Variants in GALNT17 observed in about 807,000 individuals in gnomAD.
The protein encoded by GALNT17 is UDP-GalNAc:polypeptide N-acetylgalactosaminyltransferase-like 3.
Under a neutral mutation model 63.7 loss-of-function variants are expected in GALNT17, and 29 were observed. The ratio of observed to expected loss-of-function variants is 0.46; its 90% CI spans 0.34 to 0.62. The LOEUF is 0.62. Ranked by LOEUF, GALNT17 falls within the 20% of genes least tolerant of loss-of-function variation. The pLI, the probability that GALNT17 is intolerant of heterozygous loss-of-function variation, is 0.01. For synonymous variants in GALNT17, 305 were observed against 318.3 expected (o/e 0.96, Z 0.45); for missense variants, 603 against 799.6 (o/e 0.75, Z 2.97).
intron 5 of GALNT17, among the ~76,000 whole-genome samples, chr7:71,514,200 G>A (rs1788410501): frequency 6.6e-6 from 1 of 152,036 alleles, no homozygotes. Flanking sequence ...ATCTCAAAAA[G>A]CAACACCACC....
At chr7:71,318,370 G>A (rs1393005415) in intron 1 of GALNT17, among the ~76,000 whole-genome samples, 1 of 151,520 alleles carries the variant, frequency 6.6e-6, no homozygotes, top group Non-Finnish European at 1.5e-5. Context: ...CCAGAAAGAA[G>A]AGCAGCTGAG....
Position 71,607,238 on chromosome 7 carries a change from A to G in GALNT17, c.1080+35836A>G, listed in dbSNP as rs1380499995. Among the ~76,000 whole-genome samples the G allele has an allele frequency of 2.0e-5, 3 of 152,194 alleles. No homozygotes were observed. The East Asian group carries it at 5.8e-4, about 29-fold the overall frequency. ...ATATGGTGAGAAGCCCACTAAAAAT[A>G]CTTCTAATACTGCCTGAGAAACTAA... is the stretch of plus-strand genomic sequence containing the variant. On this transcript the variant is annotated intron_variant, in intron 6 of 10. Coordinates refer to ENST00000333538, the MANE Select transcript of GALNT17 (RefSeq NM_022479.3).
chr7:71,520,311 G>A (rs1342895712), intron 5 of GALNT17, among the ~76,000 whole-genome samples: 1 of 152,070 alleles, frequency 6.6e-6, no homozygotes, highest in Non-Finnish European at 1.5e-5. Context: ...ATCACCTGAG[G>A]TCAGGAGTTT....
At chr7:71,413,373 ATT>A (rs568007927) in intron 3 of GALNT17, among the ~76,000 whole-genome samples, 1 of 148,338 alleles carries the variant, frequency 6.7e-6, no homozygotes, top group Non-Finnish European at 1.5e-5. Flanking sequence ...TTTTTATTTT[ATT>A]TTTTTTTTAG....
chr7:71,143,759 G>T (rs1787960680), intron 1 of GALNT17, among the ~76,000 whole-genome samples: 2 of 152,212 alleles, frequency 1.3e-5, no homozygotes, highest in South Asian at 4.2e-4. Context: ...CAGCAGTAGG[G>T]CAGGGCACGG....
At chr7:71,588,165 G>A (rs754957494) in intron 6 of GALNT17, among the ~76,000 whole-genome samples, 3 of 152,058 alleles carry the variant, frequency 2.0e-5, no homozygotes, top group African/African-American at 7.2e-5. Context: ...GAAAGAGTAA[G>A]GTAAATCATT....
At chr7:71,706,096 A>G (rs891663614) in intron 9 of GALNT17, among the ~76,000 whole-genome samples, 4 of 152,188 alleles carry the variant, frequency 2.6e-5, no homozygotes, top group African/African-American at 9.6e-5. Flanking sequence ...CTTTAGCCCC[A>G]TCATTCTTCA....
intron 6 of GALNT17, among the ~76,000 whole-genome samples, chr7:71,652,389 A>G (rs1325857854): frequency 2.6e-5 from 4 of 152,172 alleles, no homozygotes; most frequent in Non-Finnish European, 5.9e-5. Flanking sequence ...CCATTATGCA[A>G]CCGTCCCGTT....
chr7:71,334,162 C>T (rs970289407), intron 1 of GALNT17, among the ~76,000 whole-genome samples: 9 of 152,164 alleles, frequency 5.9e-5, no homozygotes, highest in Non-Finnish European at 1.0e-4. Context: ...TGACGGTGCT[C>T]GTTCAACCTT....
At chr7:71,193,923 C>G (rs980864913) in intron 1 of GALNT17, among the ~76,000 whole-genome samples, 2 of 152,176 alleles carry the variant, frequency 1.3e-5, no homozygotes, top group African/African-American at 2.4e-5. Flanking sequence ...TGACAAAGAG[C>G]TATACTGGTT....
chr7:71,508,269 T>A (rs1467726849), intron 5 of GALNT17, among the ~76,000 whole-genome samples: 1 of 152,184 alleles, frequency 6.6e-6, no homozygotes, highest in Non-Finnish European at 1.5e-5. Context: ...GATCAGCATA[T>A]TTTTAAAAAG....
chr7:71,173,828 A>AT (rs1156308602), intron 1 of GALNT17, among the ~76,000 whole-genome samples: 3 of 151,970 alleles, frequency 2.0e-5, no homozygotes, highest in African/African-American at 2.4e-5. Flanking sequence ...AGCTCAGGGT[A>AT]TTTTTTTTCC....
intron 8 of GALNT17, among the ~76,000 whole-genome samples, chr7:71,672,731 TG>T (rs1791088743): frequency 6.6e-6 from 1 of 152,172 alleles, no homozygotes; most frequent in Non-Finnish European, 1.5e-5. Flanking sequence ...TTTGTGTTTT[TG>T]TAGCAACGAG....
chr7:71,447,958 C>G (rs1787189096), intron 5 of GALNT17, among the ~76,000 whole-genome samples: 1 of 152,188 alleles, frequency 6.6e-6, no homozygotes, highest in East Asian at 1.9e-4. Flanking sequence ...ATTCCTTTCA[C>G]TTCTCTTCTG....
chr7:71,453,933 C>A (rs973518729), intron 5 of GALNT17, among the ~76,000 whole-genome samples: 1 of 152,172 alleles, frequency 6.6e-6, no homozygotes, highest in African/African-American at 2.4e-5. Context: ...CCACGTCTTT[C>A]TTCCAAGAGC....
intron 5 of GALNT17, among the ~76,000 whole-genome samples, chr7:71,449,918 G>A (rs1286555295): frequency 2.0e-5 from 3 of 151,568 alleles, no homozygotes; most frequent in Non-Finnish European, 4.4e-5. Flanking sequence ...GCAGGTACCT[G>A]TAATCCCAGC....
intron 1 of GALNT17, among the ~76,000 whole-genome samples, chr7:71,209,036 A>G (rs1789327077): frequency 6.6e-6 from 1 of 152,240 alleles, no homozygotes; most frequent in Non-Finnish European, 1.5e-5. Flanking sequence ...CAACTGTGCC[A>G]CTGCAGCGTG....
At chr7:71,433,953 C>CAG (rs3061737) in intron 5 of GALNT17, among the ~76,000 whole-genome samples, 140,294 of 152,152 alleles carry the variant, frequency 0.92, 64,943 homozygotes, top group African/African-American at 0.95. Context: ...TAAAAGCAGG[C>CAG]AGGAATGTGG....
intron 5 of GALNT17, among the ~76,000 whole-genome samples, chr7:71,565,253 T>C (rs1789322674): frequency 7.0e-6 from 1 of 142,732 alleles, no homozygotes; most frequent in African/African-American, 2.7e-5. Flanking sequence ...AGCAACAGGG[T>C]GAGACTCCAT....
Sources: allele counts gnomAD v4.1 joint callset (sites outside exome capture counted in the v4.1 genomes callset), GRCh38; gene constraint gnomAD v4.1.1; transcripts MANE v1.5; gene names NCBI Gene and HGNC (gene_info 2026-07-23, HGNC 2026-07-21).